Variants in IL1RAPL2 observed in about 807,000 individuals in gnomAD.
The protein encoded by IL1RAPL2 is interleukin 1 receptor accessory protein like 2, also known as X-linked interleukin-1 receptor accessory protein-like 2.
In IL1RAPL2, 3 loss-of-function variants were observed where a neutral mutation model predicts 44.1. That is an observed-to-expected ratio of 0.07 (90% CI 0.03 to 0.18). The LOEUF is 0.18. Ranked by LOEUF, IL1RAPL2 falls within the 10% of genes least tolerant of loss-of-function variation. The pLI is 1.00. For missense variants in IL1RAPL2, 391 were observed against 496.4 expected (o/e 0.79, Z 2.02); for synonymous variants, 181 against 178.8 (o/e 1.01, Z -0.10).
chrX:105,172,629 G>C (rs1002426763), intron 2 of IL1RAPL2, among the ~76,000 whole-genome samples: 2 of 111,598 alleles, frequency 1.8e-5, no homozygotes, highest in African/African-American at 3.3e-5. Flanking sequence ...TTGTACCTAA[G>C]ATTTTTTCTG....
chrX:105,348,520 A>G (rs1002741584), intron 5 of IL1RAPL2, among the ~76,000 whole-genome samples: 3 of 111,830 alleles, frequency 2.7e-5, no homozygotes, highest in African/African-American at 9.8e-5. Context: ...TATTATTACT[A>G]TTCTCATAAA....
At chrX:105,265,882 G>A (rs957000053) in intron 4 of IL1RAPL2, among the ~76,000 whole-genome samples, 2 of 111,120 alleles carry the variant, frequency 1.8e-5, no homozygotes, top group East Asian at 5.7e-4. Context: ...TTACATGAAT[G>A]TTTAAGATAT....
At chrX:105,505,853 T>C (rs2036427524) in intron 6 of IL1RAPL2, among the ~76,000 whole-genome samples, 1 of 111,898 alleles carries the variant, frequency 8.9e-6, no homozygotes, top group African/African-American at 3.2e-5. Flanking sequence ...CCCAACCAAT[T>C]TTTATGAGGA....
chrX:105,670,614 TAAA>T (rs34969798), intron 6 of IL1RAPL2, among the ~76,000 whole-genome samples: 1 of 101,608 alleles, frequency 9.8e-6, no homozygotes. Flanking sequence ...TGTCTATATC[TAAA>T]AAAAAAAAAT....
At chrX:104,795,254 G>A (rs1324747954) in intron 2 of IL1RAPL2, among the ~76,000 whole-genome samples, 1 of 111,223 alleles carries the variant, frequency 9.0e-6, no homozygotes, top group Non-Finnish European at 1.9e-5. Context: ...CTGAGCTGAT[G>A]GAATTGGGTA....
chrX:105,268,693 A>G, intron 5 of IL1RAPL2, among the ~76,000 whole-genome samples: 1 of 111,206 alleles, frequency 9.0e-6, no homozygotes, highest in East Asian at 2.8e-4. Context: ...TGCTTGACAC[A>G]GGAGGCAGAG....
intron 2 of IL1RAPL2, among the ~76,000 whole-genome samples, chrX:105,076,552 A>C (rs1224606313): frequency 9.0e-6 from 1 of 111,254 alleles, no homozygotes; most frequent in East Asian, 2.8e-4. Flanking sequence ...GTAGATGTCT[A>C]TTAGGTCCGC....
chrX:105,056,185 A>G (rs1425843575), intron 2 of IL1RAPL2, among the ~76,000 whole-genome samples: 2 of 111,771 alleles, frequency 1.8e-5, no homozygotes, highest in Non-Finnish European at 3.8e-5. Flanking sequence ...AAGAAGGCAA[A>G]TATTCTCACC....
At chrX:105,105,716 C>A (rs2032731703) in intron 2 of IL1RAPL2, among the ~76,000 whole-genome samples, 1 of 112,250 alleles carries the variant, frequency 8.9e-6, no homozygotes, top group Non-Finnish European at 1.9e-5. Context: ...GAAATTTAAT[C>A]CCTCCTATAA....
intron 2 of IL1RAPL2, among the ~76,000 whole-genome samples, chrX:105,161,377 T>C (rs924604334): frequency 9.1e-6 from 1 of 110,078 alleles, no homozygotes; most frequent in Non-Finnish European, 1.9e-5. Context: ...ATGAGGCAAA[T>C]GGGTACAACA....
chrX:105,677,112 C>G (rs1365365917), intron 6 of IL1RAPL2, among the ~76,000 whole-genome samples: 1 of 111,833 alleles, frequency 8.9e-6, no homozygotes. Context: ...AGACATGTTA[C>G]TCTTTCATTG....
chrX:105,309,586 G>A (rs2034779568), intron 5 of IL1RAPL2, among the ~76,000 whole-genome samples: 2 of 108,483 alleles, frequency 1.8e-5, no homozygotes, highest in South Asian at 8.4e-4. Context: ...ACAAAAATTA[G>A]TTGGGCGTGG....
chrX:104,821,619 C>T (rs1602743856), intron 2 of IL1RAPL2, among the ~76,000 whole-genome samples: 1 of 112,155 alleles, frequency 8.9e-6, no homozygotes, highest in Non-Finnish European at 1.9e-5. Flanking sequence ...TGTATATGTA[C>T]CACATTTTCT....
chrX:105,143,708 G>A (rs1051539635), intron 2 of IL1RAPL2, among the ~76,000 whole-genome samples: 1 of 111,826 alleles, frequency 8.9e-6, no homozygotes, highest in African/African-American at 3.3e-5. Context: ...CAGCATATGG[G>A]CCTTCTCTAT....
At chrX:104,906,570 G>A (rs1924016123) in intron 2 of IL1RAPL2, among the ~76,000 whole-genome samples, 1 of 111,787 alleles carries the variant, frequency 8.9e-6, no homozygotes, top group Non-Finnish European at 1.9e-5. Flanking sequence ...TAATCATGTG[G>A]TTTTTGTCTT....
At chrX:105,102,113 A>G (rs1002803960) in intron 2 of IL1RAPL2, among the ~76,000 whole-genome samples, 2 of 111,987 alleles carry the variant, frequency 1.8e-5, no homozygotes, top group African/African-American at 6.5e-5. Context: ...GAGAGTAGTC[A>G]TGCAGAAAGT....
intron 1 of IL1RAPL2, among the ~76,000 whole-genome samples, chrX:104,571,247 A>T (rs938377106): frequency 8.9e-6 from 1 of 112,080 alleles, no homozygotes; most frequent in South Asian, 3.7e-4. Context: ...ATCTTCCTGT[A>T]GCTCATGTAG....
intron 2 of IL1RAPL2, among the ~76,000 whole-genome samples, chrX:104,931,404 G>T (rs756934192): frequency 1.9e-5 from 2 of 107,535 alleles, no homozygotes; most frequent in South Asian, 8.1e-4. Context: ...CCAGTGAACT[G>T]CTAAGATCTA....
At chrX:105,042,874 T>C (rs1477064670) in intron 2 of IL1RAPL2, among the ~76,000 whole-genome samples, 2 of 107,829 alleles carry the variant, frequency 1.9e-5, no homozygotes, top group African/African-American at 6.8e-5. Flanking sequence ...GTGGCACATA[T>C]ACACCATGGA....
Sources: allele counts gnomAD v4.1 joint callset (sites outside exome capture counted in the v4.1 genomes callset), GRCh38; gene constraint gnomAD v4.1.1; transcripts MANE v1.5; gene names NCBI Gene and HGNC (gene_info 2026-07-23, HGNC 2026-07-21).